KCNH7: variants seen among roughly 807,000 people sequenced by gnomAD.
KCNH7 encodes potassium voltage-gated channel subfamily H member 7.
KCNH7 carries 49 observed loss-of-function variants against 120.8 expected under a neutral mutation model. The ratio of observed to expected loss-of-function variants is 0.41; its 90% CI spans 0.32 to 0.51. The LOEUF (loss-of-function observed/expected upper bound fraction) is 0.51. Ranked by LOEUF, KCNH7 falls within the 20% of genes least tolerant of loss-of-function variation. The pLI, the probability that KCNH7 is intolerant of heterozygous loss-of-function variation, is 0.38. For missense variants in KCNH7, 1,097 were observed against 1,446.6 expected (o/e 0.76, Z 3.92); for synonymous variants, 547 against 516.1 (o/e 1.06, Z -0.81).
intron 2 of KCNH7, among the ~76,000 whole-genome samples, chr2:162,540,137 C>A (rs1559003247): frequency 6.6e-6 from 1 of 151,886 alleles, no homozygotes. Flanking sequence ...GACTTCTAAA[C>A]AAATCTAAAA....
In KCNH7 at chr2:162,569,836, G is replaced by A. The variant is rs1267697917; in HGVS notation, c.308-32756C>T. 7.2e-5 allele frequency among the ~76,000 whole-genome samples: 9 copies of A among 125,010 alleles called. No individual in the cohort carries two copies. In the East Asian group the frequency reaches 1.9e-3, roughly 27 times the overall value. 82.0% of individuals were successfully genotyped at this position (125,010 alleles called of 152,430 possible). On this transcript the variant is annotated intron_variant, in intron 2 of 15. Transcript: ENST00000332142. ...TTGTTCAGTGTCCATGTAGTTGAGT[G>A]GTTTTGAGTGAGATTCTTAATCCTG...
At chr2:162,819,731 G>A (rs996561598) in intron 2 of KCNH7, among the ~76,000 whole-genome samples, 3 of 152,076 alleles carry the variant, frequency 2.0e-5, no homozygotes, top group African/African-American at 7.2e-5. Context: ...ATAAAGAGTT[G>A]GGGGAAAAGG....
At chr2:162,587,412 C>T (rs2105927022) in intron 2 of KCNH7, among the ~76,000 whole-genome samples, 1 of 152,202 alleles carries the variant, frequency 6.6e-6, no homozygotes, top group South Asian at 2.1e-4. Context: ...CTAGAGCTCT[C>T]ACAGCTTGCT....
chr2:162,520,300 T>C (rs1691475428), intron 3 of KCNH7, among the ~76,000 whole-genome samples: 1 of 151,526 alleles, frequency 6.6e-6, no homozygotes, highest in South Asian at 2.1e-4. Flanking sequence ...CTTAATTGTA[T>C]TGATTTCACC....
At chr2:162,707,678 G>A (rs1686763180) in intron 2 of KCNH7, among the ~76,000 whole-genome samples, 1 of 152,048 alleles carries the variant, frequency 6.6e-6, no homozygotes, top group African/African-American at 2.4e-5. Flanking sequence ...AAATAGCTCT[G>A]ATATAAAGAA....
chr2:162,808,074 T>C (rs1684612435), intron 2 of KCNH7, among the ~76,000 whole-genome samples: 9 of 152,192 alleles, frequency 5.9e-5, no homozygotes, highest in Non-Finnish European at 1.5e-5. Flanking sequence ...CCAAAATCCA[T>C]GGATGCTCAA....
At chr2:162,731,965 G>A (rs146308722) in intron 2 of KCNH7, among the ~76,000 whole-genome samples, 144 of 152,296 alleles carry the variant, frequency 9.5e-4, no homozygotes, top group South Asian at 4.6e-3. Context: ...GGCAGATAAA[G>A]TTGGCAGAAT....
At chr2:162,422,489 T>C (rs1687738977) in intron 9 of KCNH7, among the ~76,000 whole-genome samples, 1 of 152,202 alleles carries the variant, frequency 6.6e-6, no homozygotes, top group South Asian at 2.1e-4. Flanking sequence ...TTTATTCTTT[T>C]TTTTCTGATG....
intron 2 of KCNH7, among the ~76,000 whole-genome samples, chr2:162,774,181 A>G (rs547246265): frequency 6.6e-6 from 1 of 152,228 alleles, no homozygotes; most frequent in South Asian, 2.1e-4. Context: ...CAATGTCCTT[A>G]TTATAAATTA....
intron 6 of KCNH7, among the ~76,000 whole-genome samples, chr2:162,475,164 C>T (rs954983945): frequency 1.3e-5 from 2 of 152,176 alleles, no homozygotes; most frequent in African/African-American, 4.8e-5. Flanking sequence ...ATATATACTA[C>T]AAGCCCCTGG....
At chr2:162,666,188 G>A (rs1685126605) in intron 2 of KCNH7, among the ~76,000 whole-genome samples, 1 of 151,998 alleles carries the variant, frequency 6.6e-6, no homozygotes, top group African/African-American at 2.4e-5. Flanking sequence ...TTGTCCCTTG[G>A]TTTGCAATCA....
intron 2 of KCNH7, among the ~76,000 whole-genome samples, chr2:162,709,820 C>A (rs1028678092): frequency 3.9e-5 from 6 of 152,136 alleles, no homozygotes; most frequent in South Asian, 4.1e-4. Context: ...TTTAGAAATA[C>A]CTTTCCTCCC....
chr2:162,536,939 A>G lies in KCNH7; in HGVS notation c.449T>C (p.Ile150Thr). 6.2e-7 allele frequency: 1 copy of G among 1,612,514 alleles called. No homozygotes were observed. Among genetic ancestry groups the G allele is most frequent in the Non-Finnish European group, 8.5e-7 (1 of 1,178,914 alleles). The change falls in exon 3 of 16, where the codon ATC becomes ACC. Residue 150 changes from isoleucine to threonine, a missense_variant. By Grantham distance (89) the Ile-to-Thr change is moderately conservative (BLOSUM62 -1). Transcript: ENST00000332142. Reference sequence around the variant, plus strand: ...CTTTTACTTACGGTTTACAGTTTTGATTGGTAATATTGGGTTTACCCTCTC... The same window carrying G: ...CTTTTACTTACGGTTTACAGTTTTGGTTGGTAATATTGGGTTTACCCTCTC... The part of the protein sequence containing the change: ...TPERVNPILP[I>T]KTVNRKFFGF...
intron 2 of KCNH7, among the ~76,000 whole-genome samples, chr2:162,762,492 T>C (rs1424368949): frequency 6.6e-6 from 1 of 151,964 alleles, no homozygotes; most frequent in Non-Finnish European, 1.5e-5. Flanking sequence ...TCTGATACAA[T>C]TACCAGATGT....
intron 6 of KCNH7, among the ~76,000 whole-genome samples, chr2:162,500,593 C>T (rs1413721519): frequency 6.6e-6 from 1 of 151,936 alleles, no homozygotes; most frequent in Non-Finnish European, 1.5e-5. Flanking sequence ...TTATTCTTTT[C>T]ATCAATGCCT....
intron 2 of KCNH7, among the ~76,000 whole-genome samples, chr2:162,770,995 G>T (rs1217471128): frequency 3.3e-5 from 5 of 152,020 alleles, no homozygotes; most frequent in Admixed American, 3.3e-4. Flanking sequence ...TCCAGGTGAT[G>T]GTTATGTTTT....
chr2:162,628,181 G>A (rs1033570440), intron 2 of KCNH7, among the ~76,000 whole-genome samples: 26 of 152,070 alleles, frequency 1.7e-4, no homozygotes, highest in African/African-American at 6.0e-4. Flanking sequence ...TGGTACTGGA[G>A]AAAGATAATT....
intron 2 of KCNH7, among the ~76,000 whole-genome samples, chr2:162,626,929 C>G (rs1001507580): frequency 6.6e-6 from 1 of 152,108 alleles, no homozygotes; most frequent in Non-Finnish European, 1.5e-5. Context: ...ACTGTGGTAC[C>G]AATCAAAGAT....
chr2:162,517,914 G>A lies in KCNH7; in HGVS notation c.708C>T (p.Asp236=), dbSNP rs773039222. ...SPLVNISGPL[D]HSSPKRQWDR... ...CCCATTGCCTTTTGGGAGAGGAATGGTCAAGAGGTCCGGATATATTCACCA... is the reference window on the plus strand; with the variant it reads ...CCCATTGCCTTTTGGGAGAGGAATGATCAAGAGGTCCGGATATATTCACCA... Residue 236 remains aspartate (D), a synonymous_variant, in exon 4 of 16, where the codon GAC becomes GAT. Coordinates refer to ENST00000332142, the MANE Select transcript of KCNH7 (RefSeq NM_033272.4). 3 of 1,612,398 alleles carry A rather than the reference G, an allele frequency of 1.9e-6. No homozygotes were observed. The highest frequency in any genetic ancestry group is 2.5e-6 in the Non-Finnish European group (3 of 1,178,908).
Sources: allele counts gnomAD v4.1 joint callset (sites outside exome capture counted in the v4.1 genomes callset), GRCh38; gene constraint gnomAD v4.1.1; transcripts MANE v1.5; gene names NCBI Gene and HGNC (gene_info 2026-07-23, HGNC 2026-07-21).